AGPS: variants seen among roughly 807,000 people sequenced by gnomAD.
AGPS encodes alkylglycerone phosphate synthase.
Under a neutral mutation model 90.7 loss-of-function variants are expected in AGPS, and 26 were observed. That is an observed-to-expected ratio of 0.29 (90% confidence interval 0.21 to 0.40). The LOEUF (loss-of-function observed/expected upper bound fraction) is 0.40. AGPS is among the 10% of genes least tolerant of loss of function. The probability of loss-of-function intolerance (pLI) is 1.00; values close to 1 mark genes in which losing one functional copy is unlikely to be tolerated. For missense variants in AGPS, 540 were observed against 816.1 expected (o/e 0.66, Z 4.12); for synonymous variants, 294 against 285.3 (o/e 1.03, Z -0.31).
intron 2 of AGPS, among the ~76,000 whole-genome samples, chr2:177,422,307 A>G (rs1273203759): frequency 6.6e-6 from 1 of 152,126 alleles, no homozygotes; most frequent in African/African-American, 2.4e-5. Context: ...TGCAACTTAG[A>G]TATTCTTTGG....
chr2:177,443,416 A>G lies in AGPS; in HGVS notation c.789+930A>G, dbSNP rs114499517. ...TTGAAGAAACAAGGTTATTTGTAGT[A>G]TAGAATGTCATATTTTGAATTTATC... On this transcript the variant is annotated intron_variant, in intron 7 of 19. Transcript: ENST00000264167. Among the ~76,000 whole-genome samples the G allele has an allele frequency of 5.1e-3, 770 of 152,292 alleles. 2 individuals are homozygous for G. Among genetic ancestry groups the G allele is most frequent in the Non-Finnish European group, 8.3e-3 (563 of 68,016 alleles).
chr2:177,536,730 CG>C (rs1020900854), intron 19 of AGPS, among the ~76,000 whole-genome samples: 19 of 152,156 alleles, frequency 1.2e-4, no homozygotes, highest in African/African-American at 4.6e-4. Context: ...CATTTCCCCC[CG>C]TCTTAATACC....
intron 18 of AGPS, among the ~76,000 whole-genome samples, chr2:177,522,678 TC>T (rs764558959): frequency 8.5e-5 from 13 of 152,106 alleles, no homozygotes; most frequent in Admixed American, 2.6e-4. Context: ...GGTCTCAAAC[TC>T]CTGACCTCAA....
At chr2:177,414,743 T>C (rs1685735140) in intron 1 of AGPS, among the ~76,000 whole-genome samples, 1 of 152,140 alleles carries the variant, frequency 6.6e-6, no homozygotes, top group Non-Finnish European at 1.5e-5. Flanking sequence ...GAAACTGCAC[T>C]GAGATTCAAA....
At chr2:177,500,173 A>T (rs1024043151) in intron 14 of AGPS, among the ~76,000 whole-genome samples, 1 of 151,988 alleles carries the variant, frequency 6.6e-6, no homozygotes, top group Non-Finnish European at 1.5e-5. Context: ...TAAATTATCT[A>T]TACTGCACCC....
intron 1 of AGPS, among the ~76,000 whole-genome samples, chr2:177,409,978 A>T (rs1327871749): frequency 1.3e-5 from 2 of 152,206 alleles, no homozygotes; most frequent in African/African-American, 4.8e-5. Flanking sequence ...TAGCCATCTG[A>T]TGGGTGCTAT....
At chr2:177,455,720 A>G (rs565377825) in intron 8 of AGPS, among the ~76,000 whole-genome samples, 1 of 150,972 alleles carries the variant, frequency 6.6e-6, no homozygotes, top group South Asian at 2.1e-4. Context: ...CACACTTCTA[A>G]TTATTCTGTA....
At chr2:177,411,876 T>A (rs559161721) in intron 1 of AGPS, among the ~76,000 whole-genome samples, 5 of 152,290 alleles carry the variant, frequency 3.3e-5, no homozygotes, top group Admixed American at 3.3e-4. Context: ...GCTTGGAGAT[T>A]GTATTGCAGA....
intron 11 of AGPS, among the ~76,000 whole-genome samples, chr2:177,491,301 C>G (rs971126873): frequency 6.6e-6 from 1 of 150,908 alleles, no homozygotes; most frequent in Non-Finnish European, 1.5e-5. Context: ...GAGTCTCGCT[C>G]TGTCGCCCAG....
chr2:177,451,595 T>C (rs1236163226), intron 8 of AGPS, among the ~76,000 whole-genome samples: 2 of 152,184 alleles, frequency 1.3e-5, no homozygotes, highest in African/African-American at 4.8e-5. Context: ...TGTTTCTGAT[T>C]TAGGAGAGAT....
chr2:177,478,973 A>C (rs1687865382), intron 10 of AGPS, among the ~76,000 whole-genome samples: 1 of 152,060 alleles, frequency 6.6e-6, no homozygotes, highest in African/African-American at 2.4e-5. Context: ...CTTGGACTTC[A>C]CCATGCTCTG....
rs1364068484 is a variant in AGPS, at chr2:177,540,097, A to G, written c.*1902A>G. The G allele has an allele frequency of 6.8e-6, 1 of 146,136 alleles. No homozygotes were observed. The highest frequency in any genetic ancestry group is 3.3e-3 in the Middle Eastern group (1 of 304). 9.1% of individuals were successfully genotyped at this position (146,136 alleles called of 1,614,324 possible). On this transcript the variant is annotated 3_prime_UTR_variant, in exon 20 of 20. Coordinates refer to ENST00000264167, the MANE Select transcript of AGPS (RefSeq NM_003659.4). Reference sequence around the variant, plus strand: ...TGTATATATATATATATATATATGTATATGTTTCTGAGTAATTTTTAAAAA... The same window carrying G: ...TGTATATATATATATATATATATGTGTATGTTTCTGAGTAATTTTTAAAAA...
In AGPS at chr2:177,538,519, A is replaced by G. The variant is rs2079203663; in HGVS notation, c.*324A>G. On this transcript the variant is annotated 3_prime_UTR_variant, in exon 20 of 20. Coordinates refer to ENST00000264167, the MANE Select transcript of AGPS (RefSeq NM_003659.4). ...TTGTATTGTTGCTTCCTCTTGGGGA[A>G]CAAAGACAGATTTGGTATCATTGAT... 2.9e-6 allele frequency: 1 copy of G among 349,830 alleles called. No homozygotes were observed. The highest frequency in any genetic ancestry group is 2.6e-5 in the South Asian group (1 of 39,092). 21.7% of individuals were successfully genotyped at this position (349,830 alleles called of 1,614,324 possible). A position where few individuals can be genotyped will look rare whatever the true frequency, so the allele number is the denominator to read the frequency against.
chr2:177,402,286 G>A (rs1195433325), intron 1 of AGPS, among the ~76,000 whole-genome samples: 1 of 152,164 alleles, frequency 6.6e-6, no homozygotes, highest in East Asian at 1.9e-4. Flanking sequence ...AATAGTATGT[G>A]CAAATATCCT....
chr2:177,430,566 A>G (rs1442968610), intron 2 of AGPS, among the ~76,000 whole-genome samples: 1 of 152,022 alleles, frequency 6.6e-6, no homozygotes, highest in African/African-American at 2.4e-5. Flanking sequence ...GTGGGGTTGC[A>G]CAATCTCTCA....
intron 8 of AGPS, among the ~76,000 whole-genome samples, chr2:177,458,916 T>C (rs187860334): frequency 9.2e-5 from 14 of 152,300 alleles, no homozygotes; most frequent in African/African-American, 2.6e-4. Flanking sequence ...GCTACCTGAC[T>C]TCAAACTATA....
intron 10 of AGPS, among the ~76,000 whole-genome samples, chr2:177,477,629 A>T (rs190448761): frequency 6.6e-6 from 1 of 152,284 alleles, no homozygotes; most frequent in East Asian, 1.9e-4. Flanking sequence ...ATCTGGTCCT[A>T]AGCATTTCAG....
In AGPS at chr2:177,445,743, TATGATAC is replaced by T. The variant is rs1439276669; in HGVS notation, c.870+120_870+126del. ...TCCCCTCTATGAATGAAATACCTTT[TATGATAC>T]ATTCATTCACTCAAAGAATTTGTTT... On this transcript the variant is annotated intron_variant, in intron 8 of 19. Transcript: ENST00000264167. 4.5e-6 allele frequency: 3 copies of T among 670,006 alleles called. No individual in the cohort carries two copies. In the African/African-American group the frequency reaches 5.4e-5, roughly 12 times the overall value. The allele number at this position is 670,006 out of a possible 1,614,324, so 41.5% of individuals were successfully genotyped here.
chr2:177,396,940 T>TTCTTTTC (rs1378734064), intron 1 of AGPS, among the ~76,000 whole-genome samples: 2 of 144,660 alleles, frequency 1.4e-5, no homozygotes, highest in Non-Finnish European at 3.1e-5. Flanking sequence ...TCTTTTTCTT[T>TTCTTTTC]TCTTTTTTTT....
Sources: allele counts gnomAD v4.1 joint callset (sites outside exome capture counted in the v4.1 genomes callset), GRCh38; gene constraint gnomAD v4.1.1; transcripts MANE v1.5; gene names NCBI Gene and HGNC (gene_info 2026-07-23, HGNC 2026-07-21).